The following MARK3 variants were observed in gnomAD, a reference collection of about 807,000 sequenced individuals.
MARK3 encodes MAP/microtubule affinity-regulating kinase 3.
In MARK3, 46 loss-of-function variants were observed where a neutral mutation model predicts 90.1. That is an observed-to-expected ratio of 0.51 (90% CI 0.40 to 0.65). The LOEUF (loss-of-function observed/expected upper bound fraction) is 0.65. Ranked by LOEUF, MARK3 falls within the 30% of genes least tolerant of loss-of-function variation. The probability of loss-of-function intolerance (pLI) is 0.00; values close to 1 mark genes in which losing one functional copy is unlikely to be tolerated. For missense variants in MARK3, 818 were observed against 947.2 expected, an observed-to-expected ratio of 0.86 and a Z score of 1.79; for synonymous variants, 321 against 332.6, an observed-to-expected ratio of 0.97 and a Z score of 0.38.
At chr14:103,410,538 T>C (rs28442099) in intron 2 of MARK3, among the ~76,000 whole-genome samples, 6,033 of 152,266 alleles carry the variant, frequency 0.04, 417 homozygotes, top group African/African-American at 0.14. Context: ...TAATTTCTTT[T>C]TGAGGCAAGT....
At chr14:103,465,407 CCT>C (rs1349367167) in intron 7 of MARK3, 148 bp from the exon 8 acceptor site, 3 of 611,628 alleles carry the variant, frequency 4.9e-6, no homozygotes, top group Non-Finnish European at 8.7e-6. Context: ...TGACTTGTCT[CCT>C]GTTTTTTTCT....
chr14:103,398,528 A>G (rs941868449), intron 1 of MARK3, among the ~76,000 whole-genome samples: 5 of 152,098 alleles, frequency 3.3e-5, no homozygotes, highest in Non-Finnish European at 7.4e-5. Flanking sequence ...CTAGTTTGCT[A>G]TAGGAATTTT....
intron 15 of MARK3, among the ~76,000 whole-genome samples, chr14:103,497,542 C>T (rs1240938177): frequency 6.6e-6 from 1 of 152,018 alleles, no homozygotes; most frequent in Non-Finnish European, 1.5e-5. Context: ...CCAGAGTTAC[C>T]CCTTTTAAAT....
chr14:103,427,497 CAAAAAAAAA>C (rs71126021), intron 2 of MARK3, among the ~76,000 whole-genome samples: 1 of 110,818 alleles, frequency 9.0e-6, no homozygotes, highest in Non-Finnish European at 1.8e-5. Context: ...GAGACTGTTT[CAAAAAAAAA>C]AAAAAAAGAA....
At chr14:103,473,893 C>T (rs900007836) in intron 12 of MARK3, among the ~76,000 whole-genome samples, 1 of 151,984 alleles carries the variant, frequency 6.6e-6, no homozygotes, top group Non-Finnish European at 1.5e-5. Context: ...AATATAAATT[C>T]TCTTCTGCCT....
At position 103,462,430 on chromosome 14, in the gene MARK3, A is replaced by C. The variant is rs921492640; in HGVS notation, c.509A>C (p.His170Pro). The change falls in exon 7 of 18, where the codon CAT (histidine) becomes CCT (proline). Residue 170 changes from histidine (H) to proline (P), a missense_variant. By Grantham distance (77) the His-to-Pro change is moderately conservative (BLOSUM62 -2). Around this residue, in one of 3 missense-constraint regions of MARK3, gnomAD observed 101 missense variants for 175.1 expected, o/e 0.58. Transcript: ENST00000429436. ...RQIVSAVQYC[H>P]QKRIVHRDLK... ...ATTGTGTCTGCAGTTCAATACTGCC[A>C]TCAGAAACGGATCGTACATCGAGAC... 6.2e-7 allele frequency: 1 copy of C among 1,604,920 alleles called. No individual in the cohort carries two copies. The highest frequency in any genetic ancestry group is 1.7e-5 in the Admixed American group (1 of 59,898).
At chr14:103,455,843 A>G (rs2093266503) in intron 5 of MARK3, among the ~76,000 whole-genome samples, 2 of 152,174 alleles carry the variant, frequency 1.3e-5, no homozygotes, top group South Asian at 4.1e-4. Flanking sequence ...TCAAAGTCAG[A>G]TAATTGTGTA....
At chr14:103,455,354 C>G (rs7150317) in intron 5 of MARK3, among the ~76,000 whole-genome samples, 50,964 of 152,056 alleles carry the variant, frequency 0.34, 8,875 homozygotes, top group Middle Eastern at 0.45. Flanking sequence ...CTTTACCGAG[C>G]TGACATTTAA....
intron 1 of MARK3, among the ~76,000 whole-genome samples, chr14:103,398,656 A>T (rs1401000975): frequency 6.6e-6 from 1 of 152,190 alleles, no homozygotes; most frequent in Non-Finnish European, 1.5e-5. Flanking sequence ...TACAAGCATG[A>T]GTCACCATGC....
intron 1 of MARK3, among the ~76,000 whole-genome samples, chr14:103,403,630 C>T (rs1767793208): frequency 6.6e-6 from 1 of 152,144 alleles, no homozygotes; most frequent in Admixed American, 6.6e-5. Context: ...TAAACATGAT[C>T]ACCCAGCTTC....
chr14:103,433,109 A>G (rs1030760573), intron 3 of MARK3, among the ~76,000 whole-genome samples: 2 of 129,318 alleles, frequency 1.5e-5, no homozygotes, highest in African/African-American at 5.5e-5. Flanking sequence ...TTTTTGAGAC[A>G]GAGTCTTGCC....
Position 103,466,432 on chromosome 14 carries a change from A to G in MARK3, c.987A>G (p.Gln329=), listed in dbSNP as rs1208557502. 1.9e-6 allele frequency: 3 copies of G among 1,610,192 alleles called. No homozygotes were observed. Among genetic ancestry groups the G allele is most frequent in the Non-Finnish European group, 2.5e-6 (3 of 1,176,750 alleles). ...FVEPELDISD[Q]KRIDIMVGMG... ...AACCAGAGCTAGACATCTCAGACCA[A>G]AAAAGAATAGGTAATCACTCCATGC... Residue 329 remains glutamine (Q), a synonymous_variant, in exon 10 of 18, where the codon CAA becomes CAG. Transcript: ENST00000429436.
intron 3 of MARK3, among the ~76,000 whole-genome samples, chr14:103,446,014 G>C (rs953108987): frequency 6.6e-6 from 1 of 152,170 alleles, no homozygotes; most frequent in Non-Finnish European, 1.5e-5. Flanking sequence ...CTTGGTTTCA[G>C]GTATACAGTA....
At position 103,448,903 on chromosome 14, in the gene MARK3, T is replaced by G. The variant is rs751205125; in HGVS notation, c.298-16T>G. 8 of 1,552,806 alleles carry G rather than the reference T, an allele frequency of 5.2e-6. No individual in the cohort carries two copies. Among genetic ancestry groups the G allele is most frequent in the Middle Eastern group, 3.4e-4 (2 of 5,858 alleles). ...GTGTTGGGGGGATTATGTGTTTTGTTTGTTTTTTTTTTTAGCTCTTCAGAG... is the reference window on the plus strand; with the variant it reads ...GTGTTGGGGGGATTATGTGTTTTGTGTGTTTTTTTTTTTAGCTCTTCAGAG... On this transcript the variant is annotated splice_polypyrimidine_tract_variant and intron_variant, in intron 3 of 17. Coordinates refer to ENST00000429436, the MANE Select transcript of MARK3 (RefSeq NM_001128918.3).
At chr14:103,476,830 G>A (rs558217142) in intron 13 of MARK3, among the ~76,000 whole-genome samples, 2 of 152,246 alleles carry the variant, frequency 1.3e-5, no homozygotes, top group South Asian at 2.1e-4. Flanking sequence ...ATGCTTAGTC[G>A]AAGTAAACCC....
chr14:103,460,783 C>T (rs770750492), intron 6 of MARK3, among the ~76,000 whole-genome samples: 2 of 152,174 alleles, frequency 1.3e-5, no homozygotes, highest in Non-Finnish European at 2.9e-5. Flanking sequence ...TTACCTGTGT[C>T]CTAGGTGACA....
At chr14:103,501,435 G>T (rs2075659507) in intron 17 of MARK3, among the ~76,000 whole-genome samples, 1 of 152,226 alleles carries the variant, frequency 6.6e-6, no homozygotes, top group Non-Finnish European at 1.5e-5. Flanking sequence ...TGTTGTGGGG[G>T]TGATGACACT....
intron 5 of MARK3, among the ~76,000 whole-genome samples, chr14:103,454,718 T>C (rs2093236732): frequency 6.6e-6 from 1 of 152,178 alleles, no homozygotes. Context: ...CTCATAGAAT[T>C]TTAGAATTGA....
intron 13 of MARK3, among the ~76,000 whole-genome samples, chr14:103,479,024 C>T (rs568383561): frequency 6.6e-6 from 1 of 152,072 alleles, no homozygotes; most frequent in Non-Finnish European, 1.5e-5. Flanking sequence ...TAATTTCTTT[C>T]CTTCTTTCTT....
Sources: allele counts gnomAD v4.1 joint callset (sites outside exome capture counted in the v4.1 genomes callset), GRCh38; gene constraint gnomAD v4.1.1; regional missense constraint gnomAD v4.1.1; transcripts MANE v1.5; gene names NCBI Gene and HGNC (gene_info 2026-07-23, HGNC 2026-07-21).